The following TDP1 variants were observed in gnomAD, a reference collection of about 807,000 sequenced individuals.
TDP1 encodes tyrosyl-DNA phosphodiesterase 1, also known as tyr-DNA phosphodiesterase 1.
A neutral mutation model predicts 81.5 loss-of-function variants in TDP1; 64 were observed. That is an observed-to-expected ratio of 0.79 (90% CI 0.64 to 0.97). The LOEUF (loss-of-function observed/expected upper bound fraction) is 0.97. TDP1 is among the 50% of genes least tolerant of loss of function. The pLI is 0.00. For missense variants in TDP1, 723 were observed against 743.8 expected, an observed-to-expected ratio of 0.97 and a Z score of 0.33; for synonymous variants, 256 against 264.3, an observed-to-expected ratio of 0.97 and a Z score of 0.30.
In TDP1 at chr14:90,019,429, A is replaced by C. The variant is rs763165966; in HGVS notation, c.1644+11A>C. The C allele has an allele frequency of 7.1e-7, 1 of 1,415,152 alleles. No homozygotes were observed. Among genetic ancestry groups the C allele is most frequent in the African/African-American group, 1.4e-5 (1 of 71,190 alleles). 87.7% of individuals were successfully genotyped at this position (1,415,152 alleles called of 1,614,324 possible). On this transcript the variant is annotated intron_variant, in intron 15 of 16. Coordinates refer to ENST00000335725, the MANE Select transcript of TDP1 (RefSeq NM_018319.4). ...CTCCCTTCAGCATTTGTAAGTTTAC[A>C]CTTCCAACTGCACAGTGGGTCACAT...
intron 14 of TDP1, among the ~76,000 whole-genome samples, chr14:89,994,900 A>C (rs1460528538): frequency 6.6e-6 from 1 of 152,218 alleles, no homozygotes; most frequent in Non-Finnish European, 1.5e-5. Context: ...GGAAAATCTG[A>C]GTGATTCCAT....
At chr14:89,958,245 C>T (rs1462589298) in intron 2 of TDP1, 1 of 152,464 alleles carries the variant, frequency 6.6e-6, no homozygotes, top group Non-Finnish European at 1.5e-5. Context: ...TGTGTGGCAG[C>T]CAGCAGCTCC....
intron 5 of TDP1, among the ~76,000 whole-genome samples, chr14:89,967,842 G>T (rs1357483524): frequency 6.6e-6 from 1 of 152,178 alleles, no homozygotes; most frequent in Admixed American, 6.5e-5. Context: ...AGGAAAGGAG[G>T]CTTATCTGTG....
At chr14:90,003,885 C>T (rs906893046) in intron 14 of TDP1, among the ~76,000 whole-genome samples, 21 of 152,300 alleles carry the variant, frequency 1.4e-4, no homozygotes, top group Middle Eastern at 6.8e-3. Flanking sequence ...TCTCTAATGT[C>T]TGTTGCTTTG....
Position 89,967,423 on chromosome 14 carries a change from G to T in TDP1, c.659+1G>T. On this transcript the variant is annotated splice_donor_variant, in intron 5 of 16. Transcript: ENST00000335725. LOFTEE classifies it high-confidence loss of function. ...TAAAACAGTATCCACCAGAGTTCAGGTGAGTTCCTCAGGGTGACAGACAAC... is the reference window on the plus strand; with the variant it reads ...TAAAACAGTATCCACCAGAGTTCAGTTGAGTTCCTCAGGGTGACAGACAAC... The T allele has an allele frequency of 6.2e-7, 1 of 1,613,870 alleles. No individual in the cohort carries two copies. The highest frequency in any genetic ancestry group is 8.5e-7 in the Non-Finnish European group (1 of 1,179,766).
chr14:90,004,288 G>T (rs924144838), intron 14 of TDP1, among the ~76,000 whole-genome samples: 1 of 152,150 alleles, frequency 6.6e-6, no homozygotes, highest in Non-Finnish European at 1.5e-5. Context: ...TTTGTACACT[G>T]GCATTGCTAG....
At chr14:90,017,578 A>T (rs1885462473) in intron 14 of TDP1, among the ~76,000 whole-genome samples, 1 of 152,160 alleles carries the variant, frequency 6.6e-6, no homozygotes, top group African/African-American at 2.4e-5. Context: ...AACACAACTC[A>T]TGGGGAAAGA....
intron 2 of TDP1, among the ~76,000 whole-genome samples, chr14:89,961,798 AG>A (rs1282707287): frequency 2.6e-5 from 4 of 152,150 alleles, no homozygotes; most frequent in African/African-American, 9.7e-5. Flanking sequence ...TGGGGAATGT[AG>A]GTTTTGTGAA....
At chr14:90,034,977 C>T (rs1181948685) in intron 16 of TDP1, among the ~76,000 whole-genome samples, 1 of 152,070 alleles carries the variant, frequency 6.6e-6, no homozygotes, top group African/African-American at 2.4e-5. Flanking sequence ...AACCAAGCCT[C>T]CTCTGTCCCG....
chr14:89,964,113 A>G (rs1892659200), intron 3 of TDP1, among the ~76,000 whole-genome samples: 1 of 152,208 alleles, frequency 6.6e-6, no homozygotes, highest in African/African-American at 2.4e-5. Flanking sequence ...GAGATCCTGC[A>G]GTCTGTGTTT....
chr14:90,018,945 A>G (rs960154933), intron 14 of TDP1: 1 of 976,954 alleles, frequency 1.0e-6, no homozygotes, highest in African/African-American at 1.8e-5. Context: ...GATAATATTA[A>G]CTTTCTTCTT....
intron 6 of TDP1, chr14:89,975,519 C>T: frequency 1.0e-6 from 1 of 956,238 alleles, no homozygotes; most frequent in African/African-American, 1.8e-5. Context: ...GTCCTAATTA[C>T]TGTAATTAAA....
At chr14:90,005,435 A>G (rs74899305) in intron 14 of TDP1, among the ~76,000 whole-genome samples, 8,586 of 152,302 alleles carry the variant, frequency 0.056, 519 homozygotes, top group African/African-American at 0.15. Flanking sequence ...TCATTATAAT[A>G]GATCATCTCC....
At chr14:89,964,534 C>T (rs1315371574) in intron 3 of TDP1, among the ~76,000 whole-genome samples, 1 of 152,134 alleles carries the variant, frequency 6.6e-6, no homozygotes, top group Non-Finnish European at 1.5e-5. Context: ...TTTCCTGTCC[C>T]ATATTTAAGA....
At chr14:89,981,543 G>C in intron 8 of TDP1, 1 of 447,604 alleles carries the variant, frequency 2.2e-6, no homozygotes, top group Non-Finnish European at 4.5e-6. Flanking sequence ...TCGGACGTTT[G>C]TCTAGCACCA....
intron 14 of TDP1, among the ~76,000 whole-genome samples, chr14:90,007,964 G>A (rs1678046872): frequency 6.6e-6 from 1 of 152,102 alleles, no homozygotes; most frequent in Admixed American, 6.6e-5. Context: ...TTGAGAAGTT[G>A]CCATCTAATT....
In TDP1 at chr14:90,033,162, G is replaced by C. The variant is rs375084022; in HGVS notation, c.1701G>C (p.Met567Ile). 6.2e-6 allele frequency: 10 copies of C among 1,613,568 alleles called. No homozygotes were observed. The African/African-American group carries it at 1.3e-4, about 22-fold the overall frequency. ...QKFFAGSQEPMATFPVPYDLP... is the reference protein window; with the variant it reads ...QKFFAGSQEPIATFPVPYDLP... ...TCTTCGCTGGCAGCCAGGAGCCAAT[G>C]GCCACCTTTCCTGTGCCATATGATT... is the stretch of plus-strand genomic sequence containing the variant. Residue 567 changes from methionine to isoleucine, a missense_variant, in exon 16 of 17, where the codon ATG (methionine) becomes ATC (isoleucine). Physicochemically the swap from Met to Ile is conservative, Grantham distance 10 (BLOSUM62 1). Transcript: ENST00000335725.
intron 16 of TDP1, among the ~76,000 whole-genome samples, chr14:90,034,043 A>T (rs1308619774): frequency 2.0e-5 from 3 of 152,132 alleles, no homozygotes; most frequent in Non-Finnish European, 4.4e-5. Context: ...CTCCAGCCTG[A>T]GTGACAGAGC....
chr14:90,019,238 G>T, intron 14 of TDP1, 78 bp from the exon 15 acceptor site: 1 of 1,293,080 alleles, frequency 7.7e-7, no homozygotes, highest in Non-Finnish European at 1.1e-6. Flanking sequence ...TTTGACCGGT[G>T]CTCTTGCAGC....
Sources: allele counts gnomAD v4.1 joint callset (sites outside exome capture counted in the v4.1 genomes callset), GRCh38; gene constraint gnomAD v4.1.1; transcripts MANE v1.5; gene names NCBI Gene and HGNC (gene_info 2026-07-23, HGNC 2026-07-21).